The following NR2C1 variants were observed in gnomAD, a reference collection of about 807,000 sequenced individuals.
The protein encoded by NR2C1 is nuclear receptor subfamily 2 group C member 1, also known as TR2 nuclear hormone receptor.
Under a neutral mutation model 74.8 loss-of-function variants are expected in NR2C1, and 33 were observed. That is an observed-to-expected ratio of 0.44 (90% CI 0.33 to 0.59). The LOEUF is 0.59. NR2C1 is among the 20% of genes least tolerant of loss of function. The probability of loss-of-function intolerance (pLI) is 0.02; values close to 1 mark genes in which losing one functional copy is unlikely to be tolerated. For missense variants in NR2C1, 568 were observed against 715.6 expected, an observed-to-expected ratio of 0.79 and a Z score of 2.35; for synonymous variants, 225 against 240.6, an observed-to-expected ratio of 0.94 and a Z score of 0.60.
intron 11 of NR2C1, among the ~76,000 whole-genome samples, chr12:95,030,056 T>G (rs978607802): frequency 6.6e-6 from 1 of 152,142 alleles, no homozygotes; most frequent in Non-Finnish European, 1.5e-5. Context: ...AAAAAATTTC[T>G]GTAGAGGTGG....
At chr12:95,059,859 G>A (rs1452721459) in intron 4 of NR2C1, 47 bp downstream of exon 4, 1 of 1,322,320 alleles carries the variant, frequency 7.6e-7, no homozygotes, top group African/African-American at 1.5e-5. Context: ...ACACATATAG[G>A]AGGTTATTTT....
chr12:95,047,140 C>T (rs899344827), intron 9 of NR2C1, among the ~76,000 whole-genome samples: 2 of 152,160 alleles, frequency 1.3e-5, no homozygotes, highest in Non-Finnish European at 2.9e-5. Flanking sequence ...GGGTCCTGTT[C>T]CTACATCTGT....
chr12:95,072,451 C>A (rs1953089145), intron 1 of NR2C1, among the ~76,000 whole-genome samples: 2 of 113,318 alleles, frequency 1.8e-5, no homozygotes, highest in African/African-American at 3.6e-5. Context: ...CTCCCTCTCC[C>A]TCTCAAAAAA....
rs1873041120 is a variant in NR2C1 at position 95,051,761 on chromosome 12, C to T, written c.965+1G>A. 1 of 1,596,670 alleles carries T rather than the reference C, an allele frequency of 6.3e-7. No homozygotes were observed. The highest frequency in any genetic ancestry group is 8.5e-7 in the Non-Finnish European group (1 of 1,175,374). Reference sequence around the variant, plus strand: ...ACATTGATAATCAAAAGATACCTTACCTTGAAACATCACCGTTGGTCTGCA... The same window carrying T: ...ACATTGATAATCAAAAGATACCTTATCTTGAAACATCACCGTTGGTCTGCA... On this transcript the variant is annotated splice_donor_variant, in intron 8 of 13. Coordinates refer to ENST00000333003, the MANE Select transcript of NR2C1 (RefSeq NM_003297.4). LOFTEE classifies it high-confidence loss of function.
At chr12:95,049,469 T>C in intron 8 of NR2C1, 1 of 363,608 alleles carries the variant, frequency 2.8e-6, no homozygotes, top group Non-Finnish European at 4.9e-6. Context: ...AGCATCTTCA[T>C]ATTTTCATAT....
In NR2C1 at chr12:95,049,195, T is replaced by C; in HGVS notation, c.1004A>G (p.Glu335Gly). The change falls in exon 9 of 14, where the codon GAG becomes GGG. Residue 335 changes from glutamate (E) to glycine (G), a missense_variant. Transcript: ENST00000333003. ...DTLAKALNPG[E>G]STACQSSVAG... The stretch of plus-strand genomic sequence containing the variant: ...TACTGAGCTCTGGCAGGCTGTGCTC[T>C]CTCCAGGATTCAATGCTTTTGCAAG... The C allele has an allele frequency of 6.2e-7, 1 of 1,614,120 alleles. No individual in the cohort carries two copies. The highest frequency in any genetic ancestry group is 1.7e-5 in the Admixed American group (1 of 60,010).
At chr12:95,026,038 T>A (rs896268729) in intron 12 of NR2C1, among the ~76,000 whole-genome samples, 3 of 151,814 alleles carry the variant, frequency 2.0e-5, no homozygotes, top group Non-Finnish European at 4.4e-5. Flanking sequence ...AAACCCCGTC[T>A]CTACTAAAAA....
At chr12:95,058,174 T>C (rs928705427) in intron 5 of NR2C1, 136 bp downstream of exon 5, 8 of 748,174 alleles carry the variant, frequency 1.1e-5, no homozygotes, top group Middle Eastern at 3.9e-4. Flanking sequence ...CATACGTAGG[T>C]CTGTATTCTT....
chr12:95,072,326 T>G (rs1426909953), intron 1 of NR2C1, among the ~76,000 whole-genome samples: 5 of 150,064 alleles, frequency 3.3e-5, no homozygotes, highest in Admixed American at 6.6e-5. Flanking sequence ...TGGTGGCTCG[T>G]GTCTGTAATC....
chr12:95,053,615 C>T (rs1290010497), intron 7 of NR2C1, among the ~76,000 whole-genome samples: 1 of 151,164 alleles, frequency 6.6e-6, no homozygotes, highest in Non-Finnish European at 1.5e-5. Flanking sequence ...CTTCTATGGC[C>T]TACTGGGCCA....
chr12:95,063,751 C>G (rs949240058), intron 2 of NR2C1, among the ~76,000 whole-genome samples: 1 of 151,794 alleles, frequency 6.6e-6, no homozygotes, highest in South Asian at 2.1e-4. Flanking sequence ...AAGAGTAGGC[C>G]GGGTGCAGTG....
intron 10 of NR2C1, among the ~76,000 whole-genome samples, chr12:95,034,453 T>A (rs375470248): frequency 4.6e-5 from 7 of 152,126 alleles, no homozygotes; most frequent in African/African-American, 1.7e-4. Flanking sequence ...GGTGAGGAAA[T>A]AAGTATTCAT....
chr12:95,057,646 G>A lies in NR2C1; in HGVS notation c.693-3C>T, dbSNP rs1486329605. On this transcript the variant is annotated splice_region_variant and splice_polypyrimidine_tract_variant and intron_variant, in intron 6 of 13. Transcript: ENST00000333003. Reference sequence around the variant, plus strand: ...CTGAATCTAACAGTCCTGTTGACCTGTAACAAATCAGCACAAATTTTGGCC... The same window carrying A: ...CTGAATCTAACAGTCCTGTTGACCTATAACAAATCAGCACAAATTTTGGCC... 6.2e-7 allele frequency: 1 copy of A among 1,613,010 alleles called. No individual in the cohort carries two copies. Among genetic ancestry groups the A allele is most frequent in the Non-Finnish European group, 8.5e-7 (1 of 1,179,738 alleles).
intron 7 of NR2C1, among the ~76,000 whole-genome samples, chr12:95,054,248 G>T (rs1424899347): frequency 6.7e-6 from 1 of 149,948 alleles, no homozygotes; most frequent in Non-Finnish European, 1.5e-5. Flanking sequence ...TTGCTAACCA[G>T]AAAAATGACC....
At chr12:95,043,395 A>T (rs1450709877) in intron 9 of NR2C1, among the ~76,000 whole-genome samples, 2 of 152,152 alleles carry the variant, frequency 1.3e-5, no homozygotes, top group East Asian at 3.9e-4. Flanking sequence ...ACAACAAAAA[A>T]GTCCTTTGTA....
intron 11 of NR2C1, among the ~76,000 whole-genome samples, chr12:95,030,076 A>G (rs371885079): frequency 6.6e-6 from 1 of 152,070 alleles, no homozygotes; most frequent in African/African-American, 2.4e-5. Context: ...GGGTACCACA[A>G]TGTTGTCCAG....
intron 9 of NR2C1, among the ~76,000 whole-genome samples, chr12:95,041,331 C>CA (rs986949521): frequency 1.2e-4 from 18 of 150,636 alleles, no homozygotes; most frequent in South Asian, 6.3e-4. Context: ...ACTAAAATAC[C>CA]AAAAAAAAAT....
chr12:95,055,870 G>A (rs908213228), intron 7 of NR2C1, among the ~76,000 whole-genome samples: 4 of 148,372 alleles, frequency 2.7e-5, no homozygotes, highest in African/African-American at 5.0e-5. Context: ...GGAGAATGGC[G>A]TGAACCCAGG....
At chr12:95,061,887 GA>G (rs34778238) in intron 3 of NR2C1, among the ~76,000 whole-genome samples, 3 of 152,156 alleles carry the variant, frequency 2.0e-5, no homozygotes, top group Non-Finnish European at 4.4e-5. Flanking sequence ...CTATTCTAGC[GA>G]AAACTAAAAT....
Sources: allele counts gnomAD v4.1 joint callset (sites outside exome capture counted in the v4.1 genomes callset), GRCh38; gene constraint gnomAD v4.1.1; transcripts MANE v1.5; gene names NCBI Gene and HGNC (gene_info 2026-07-23, HGNC 2026-07-21).